FBXO34: variants seen among roughly 807,000 people sequenced by gnomAD.
FBXO34 encodes F-box only protein 34.
Under a neutral mutation model 24.5 loss-of-function variants are expected in FBXO34, and 12 were observed. The ratio of observed to expected loss-of-function variants is 0.49; its 90% CI spans 0.31 to 0.79. The LOEUF (loss-of-function observed/expected upper bound fraction) is 0.79. Among genes scored for constraint, FBXO34 ranks in the 30% least tolerant of loss-of-function variants. The pLI is 0.04. For synonymous variants in FBXO34, 320 were observed against 311.9 expected (o/e 1.03, Z -0.27); for missense variants, 823 against 857.7 (o/e 0.96, Z 0.51).
chr14:55,298,853 C>T (rs1882237608), intron 1 of FBXO34: 14 of 1,611,812 alleles, frequency 8.7e-6, no homozygotes, highest in African/African-American at 1.3e-5. Context: ...TGGCGCAGAT[C>T]GACGGTACAT....
the FBXO34 span, chr14:55,397,427 C>A: frequency 6.2e-7 from 1 of 1,612,370 alleles, no homozygotes. Context: ...TCCTTCTTGT[C>A]GATAAACCTG....
the FBXO34 span, among the ~76,000 whole-genome samples, chr14:55,378,740 C>A: frequency 2.6e-5 from 4 of 152,082 alleles, no homozygotes; most frequent in Non-Finnish European, 5.9e-5. Context: ...ACTCTGTCAC[C>A]CAGGCTGGGG....
intron 1 of FBXO34, among the ~76,000 whole-genome samples, chr14:55,289,839 G>A (rs1881883195): frequency 6.6e-6 from 1 of 151,708 alleles, no homozygotes; most frequent in South Asian, 2.1e-4. Context: ...GGGTCCCCAA[G>A]CCCAGTCACT....
At chr14:55,385,303 G>C in the FBXO34 span, among the ~76,000 whole-genome samples, 3 of 151,798 alleles carry the variant, frequency 2.0e-5, no homozygotes, top group Admixed American at 6.6e-5. Flanking sequence ...TTTTTTGTTT[G>C]TTTCTTTGAG....
the FBXO34 span, chr14:55,411,542 G>A: frequency 4.0e-6 from 6 of 1,505,470 alleles, no homozygotes; most frequent in African/African-American, 8.3e-5. Flanking sequence ...TCCAGCCTTC[G>A]GCTGCCTGGC....
chr14:55,350,958 C>G lies in FBXO34; in HGVS notation c.568C>G (p.His190Asp). ...FACGIEHCSV[H>D]YVSDSGDGVY... Reference sequence around the variant, plus strand: ...ATGTGGCATTGAGCACTGTTCTGTGCACTATGTGAGTGACAGTGGGGATGG... The same window carrying G: ...ATGTGGCATTGAGCACTGTTCTGTGGACTATGTGAGTGACAGTGGGGATGG... The change falls in exon 2 of 2, where the codon CAC (histidine) becomes GAC (aspartate). Residue 190 changes from histidine (H) to aspartate (D), a missense_variant. Physicochemically the swap from His to Asp is moderately conservative, Grantham distance 81. Coordinates refer to ENST00000313833, the MANE Select transcript of FBXO34 (RefSeq NM_017943.4). 1 of 1,614,128 alleles carries G rather than the reference C, an allele frequency of 6.2e-7. No individual in the cohort carries two copies.
At chr14:55,391,606 A>G in the FBXO34 span, among the ~76,000 whole-genome samples, 2 of 152,220 alleles carry the variant, frequency 1.3e-5, 1 homozygote, top group African/African-American at 4.8e-5. Context: ...TACTAGCCAC[A>G]TGTGGTTACT....
chr14:55,300,435 A>G (rs555561967), intron 1 of FBXO34, among the ~76,000 whole-genome samples: 32 of 152,286 alleles, frequency 2.1e-4, no homozygotes, highest in African/African-American at 7.5e-4. Flanking sequence ...TAGTACAAAA[A>G]AATACAAAAA....
At chr14:55,411,572 G>A in the FBXO34 span, 42 of 1,580,190 alleles carry the variant, frequency 2.7e-5, no homozygotes, top group African/African-American at 2.3e-4. Flanking sequence ...CACAGCAGAA[G>A]AAACAATAGG....
At chr14:55,377,779 C>A in the FBXO34 span, 1 of 1,440,908 alleles carries the variant, frequency 6.9e-7, no homozygotes. Flanking sequence ...TAACAGGATT[C>A]ACAAAAACAC....
At chr14:55,425,748 A>G in the FBXO34 span, among the ~76,000 whole-genome samples, 5 of 152,108 alleles carry the variant, frequency 3.3e-5, no homozygotes, top group African/African-American at 1.2e-4. Context: ...TACATTAAAG[A>G]CCCTGCTTTA....
At chr14:55,393,290 C>A in the FBXO34 span, among the ~76,000 whole-genome samples, 1 of 151,750 alleles carries the variant, frequency 6.6e-6, no homozygotes, top group Non-Finnish European at 1.5e-5. Context: ...GAGGCTGAGG[C>A]AGGAGAATGG....
rs1005765130 is a variant in FBXO34, at chr14:55,352,439, T to C, written c.2049T>C (p.His683=). The C allele has an allele frequency of 5.0e-6, 8 of 1,614,088 alleles. No homozygotes were observed. Among genetic ancestry groups the C allele is most frequent in the East Asian group, 2.2e-5 (1 of 44,894 alleles). The part of the protein sequence containing the change: ...KGFPGCKLGL[H]DNHWVPACHS... The stretch of plus-strand genomic sequence containing the variant: ...TCCCTGGCTGTAAGCTGGGGCTTCA[T>C]GACAATCACTGGGTTCCTGCCTGCC... Residue 683 remains histidine, a synonymous_variant, in exon 2 of 2, where the codon CAT becomes CAC. Coordinates refer to ENST00000313833, the MANE Select transcript of FBXO34 (RefSeq NM_017943.4).
rs1884357555 is a variant in FBXO34, at chr14:55,351,259, G to A, written c.869G>A (p.Cys290Tyr). The change falls in exon 2 of 2, where the codon TGC becomes TAC. Residue 290 changes from cysteine to tyrosine, a missense_variant. Cys to Tyr is a radical substitution (Grantham distance 194). This residue lies in a region of FBXO34 where 693 missense variants were observed against 659.1 expected (regional missense o/e 1.05). Coordinates refer to ENST00000313833, the MANE Select transcript of FBXO34 (RefSeq NM_017943.4). ...ATGGTAGCCAAGTTGGAGTCTGAGTGCCTGAAGCGGCAGGGCCAGCGTGAG... is the reference window on the plus strand; with the variant it reads ...ATGGTAGCCAAGTTGGAGTCTGAGTACCTGAAGCGGCAGGGCCAGCGTGAG... ...LDMVAKLESE[C>Y]LKRQGQREPG... is the part of the protein sequence containing the mutation. 1.2e-6 allele frequency: 2 copies of A among 1,614,196 alleles called. No homozygotes were observed. Among genetic ancestry groups the A allele is most frequent in the Non-Finnish European group, 1.7e-6 (2 of 1,180,036 alleles).
chr14:55,430,780 T>C, the FBXO34 span, among the ~76,000 whole-genome samples: 9,881 of 152,328 alleles, frequency 0.065, 369 homozygotes, highest in Non-Finnish European at 0.085. Context: ...TTCTCACTCT[T>C]GAAATGTCCT....
At chr14:55,380,948 T>C in the FBXO34 span, among the ~76,000 whole-genome samples, 30 of 147,010 alleles carry the variant, frequency 2.0e-4, no homozygotes, top group African/African-American at 7.6e-4. Context: ...ATAAATGAAA[T>C]TAAAGTCTGA....
the FBXO34 span, among the ~76,000 whole-genome samples, chr14:55,432,653 A>G: frequency 2.6e-5 from 4 of 152,198 alleles, no homozygotes; most frequent in Non-Finnish European, 5.9e-5. Flanking sequence ...CTTTTTGTCA[A>G]TCAATTTAGC....
chr14:55,400,277 A>C, the FBXO34 span, among the ~76,000 whole-genome samples: 6 of 152,200 alleles, frequency 3.9e-5, no homozygotes, highest in Non-Finnish European at 7.3e-5. Context: ...ATAGAGTATC[A>C]CTATATTCAA....
chr14:55,398,049 G>A, the FBXO34 span, among the ~76,000 whole-genome samples: 1,723 of 147,088 alleles, frequency 0.012, 15 homozygotes, highest in Middle Eastern at 0.028. Context: ...CTGGGCTCAC[G>A]CCATTCTCCC....
Sources: gnomAD v4.1 joint callset for allele counts (sites outside exome capture counted in the v4.1 genomes callset) on GRCh38, gnomAD v4.1.1 for gene constraint, gnomAD v4.1.1 regional missense constraint, MANE v1.5 for transcripts, NCBI Gene and HGNC (gene_info 2026-07-23, HGNC 2026-07-21) for gene names.